SLC24A2: variants seen among roughly 807,000 people sequenced by gnomAD.
The protein encoded by SLC24A2 is solute carrier family 24 member 2, also known as sodium/potassium/calcium exchanger 2.
Under a neutral mutation model 62.0 loss-of-function variants are expected in SLC24A2, and 36 were observed. The ratio of observed to expected loss-of-function variants is 0.58; its 90% CI spans 0.44 to 0.77. The LOEUF (loss-of-function observed/expected upper bound fraction) is 0.77, where lower values mean the gene tolerates loss of function less well. SLC24A2 is among the 30% of genes least tolerant of loss of function. The pLI is 0.00. For synonymous variants in SLC24A2, 358 were observed against 294.0 expected (o/e 1.22, Z -2.23); for missense variants, 846 against 817.9 (o/e 1.03, Z -0.42).
chr9:19,698,639 G>T (rs1284952596), intron 2 of SLC24A2, among the ~76,000 whole-genome samples: 3 of 152,136 alleles, frequency 2.0e-5, no homozygotes, highest in Non-Finnish European at 4.4e-5. Context: ...TATGTGCCAT[G>T]CAGTGTGCAC....
At chr9:19,826,466 A>G in the SLC24A2 span, among the ~76,000 whole-genome samples, 1 of 152,148 alleles carries the variant, frequency 6.6e-6, no homozygotes, top group Non-Finnish European at 1.5e-5. Context: ...ACAAAAAAAT[A>G]CCCAAGACTG....
the SLC24A2 span, among the ~76,000 whole-genome samples, chr9:19,894,504 A>G: frequency 3.3e-5 from 5 of 152,180 alleles, no homozygotes; most frequent in East Asian, 9.6e-4. Flanking sequence ...GAAACGGCCA[A>G]TTTTGTTTTT....
chr9:19,642,767 G>A (rs10811221), intron 2 of SLC24A2, among the ~76,000 whole-genome samples: 49,433 of 137,234 alleles, frequency 0.36, 10,510 homozygotes, highest in East Asian at 0.74. Flanking sequence ...TGCAAGCTCC[G>A]CCTCCCGGGT....
At chr9:20,121,946 A>T in the SLC24A2 span, among the ~76,000 whole-genome samples, 1 of 152,214 alleles carries the variant, frequency 6.6e-6, no homozygotes, top group Admixed American at 6.5e-5. Flanking sequence ...CAAAGAATGA[A>T]CGGAAGATTG....
At chr9:19,808,551 G>A in the SLC24A2 span, among the ~76,000 whole-genome samples, 1 of 152,100 alleles carries the variant, frequency 6.6e-6, no homozygotes, top group African/African-American at 2.4e-5. The surrounding 1 kb of genome is among the most constrained non-coding windows in gnomAD (Gnocchi z 4.1). Flanking sequence ...TTTTAATAGC[G>A]GTTTTGCAAG....
chr9:20,029,838 G>T, the SLC24A2 span, among the ~76,000 whole-genome samples: 1 of 152,090 alleles, frequency 6.6e-6, no homozygotes, highest in African/African-American at 2.4e-5. Flanking sequence ...GTGTGTGTAT[G>T]TGTGTGTATG....
the SLC24A2 span, among the ~76,000 whole-genome samples, chr9:20,293,404 C>G: frequency 6.6e-6 from 1 of 152,170 alleles, no homozygotes; most frequent in East Asian, 1.9e-4. Flanking sequence ...AGGAATTTCT[C>G]AGGGAGGCAG....
At chr9:19,731,511 CT>C (rs1821333125) in intron 2 of SLC24A2, among the ~76,000 whole-genome samples, 4 of 113,806 alleles carry the variant, frequency 3.5e-5, no homozygotes, top group African/African-American at 1.4e-4. Context: ...CTCTCTCTCT[CT>C]CTCCGTGTGT....
chr9:20,220,057 T>C, the SLC24A2 span, among the ~76,000 whole-genome samples: 2 of 152,116 alleles, frequency 1.3e-5, no homozygotes, highest in African/African-American at 4.8e-5. Flanking sequence ...ACTGAAGAAA[T>C]AGTTCAGTAT....
chr9:20,281,584 C>G, the SLC24A2 span, among the ~76,000 whole-genome samples: 1 of 152,110 alleles, frequency 6.6e-6, no homozygotes, highest in Non-Finnish European at 1.5e-5. Flanking sequence ...AGTATATATT[C>G]TTTTATGTGT....
chr9:19,549,752 A>T (rs1324445863), intron 8 of SLC24A2, among the ~76,000 whole-genome samples: 1 of 152,224 alleles, frequency 6.6e-6, no homozygotes, highest in African/African-American at 2.4e-5. Flanking sequence ...CAGGCCACAG[A>T]CATAATGGAG....
chr9:19,678,016 T>G lies in SLC24A2; in HGVS notation c.931-55717A>C, dbSNP rs1260330582. ...GAGGGCTTCAACCAGACAATCCTGG[T>G]CTTAAATCTTATCTCTGTCGCAGTA... On this transcript the variant is annotated intron_variant, in intron 2 of 10. Coordinates refer to ENST00000341998, the MANE Select transcript of SLC24A2 (RefSeq NM_020344.4). Among the ~76,000 whole-genome samples, 3 of 152,260 alleles carry G rather than the reference T, an allele frequency of 2.0e-5. No homozygotes were observed. The East Asian group carries it at 5.8e-4, about 29-fold the overall frequency.
chr9:20,081,353 T>G, the SLC24A2 span, among the ~76,000 whole-genome samples: 5 of 151,714 alleles, frequency 3.3e-5, no homozygotes, highest in African/African-American at 1.2e-4. Context: ...CTGGAAACCA[T>G]CATTCTCAGC....
intron 8 of SLC24A2, among the ~76,000 whole-genome samples, chr9:19,534,116 T>G (rs1833839441): frequency 6.6e-6 from 1 of 152,142 alleles, no homozygotes; most frequent in African/African-American, 2.4e-5. Context: ...AAAAATTCGG[T>G]CCAGAGTTGA....
intron 8 of SLC24A2, among the ~76,000 whole-genome samples, chr9:19,543,474 C>G (rs1396985012): frequency 6.6e-6 from 1 of 150,836 alleles, no homozygotes; most frequent in Non-Finnish European, 1.5e-5. Flanking sequence ...CTTCTGCTAT[C>G]TTTTGAATTT....
the SLC24A2 span, among the ~76,000 whole-genome samples, chr9:20,133,090 C>T: frequency 6.6e-6 from 1 of 152,030 alleles, no homozygotes; most frequent in Non-Finnish European, 1.5e-5. Flanking sequence ...CTGGGTGAGC[C>T]TGACTTAATC....
intron 4 of SLC24A2, among the ~76,000 whole-genome samples, chr9:19,601,920 T>C (rs536670612): frequency 6.6e-6 from 1 of 152,322 alleles, no homozygotes; most frequent in South Asian, 2.1e-4. Flanking sequence ...AAATATATGG[T>C]AGGTATTATT....
chr9:20,005,912 A>G, the SLC24A2 span, among the ~76,000 whole-genome samples: 1 of 151,502 alleles, frequency 6.6e-6, no homozygotes, highest in South Asian at 2.1e-4. Context: ...TGTCATATGA[A>G]AATAACCCAA....
chr9:20,274,845 T>C, the SLC24A2 span, among the ~76,000 whole-genome samples: 2 of 151,624 alleles, frequency 1.3e-5, no homozygotes, highest in Non-Finnish European at 2.9e-5. Context: ...GGGATGAGCA[T>C]GCCACGGTGC....
Sources: allele counts gnomAD v4.1 joint callset (sites outside exome capture counted in the v4.1 genomes callset), GRCh38; gene constraint gnomAD v4.1.1; non-coding constraint Gnocchi (gnomAD v3.1); transcripts MANE v1.5; gene names NCBI Gene and HGNC (gene_info 2026-07-23, HGNC 2026-07-21).